The following ITGA3 variants were observed in gnomAD, a reference collection of about 807,000 sequenced individuals.
The protein encoded by ITGA3 is integrin subunit alpha 3.
Under a neutral mutation model 131.1 loss-of-function variants are expected in ITGA3, and 70 were observed. The observed-to-expected ratio is 0.53, with a 90% CI of 0.44 to 0.65. ITGA3 has a LOEUF of 0.65. Ranked by LOEUF, ITGA3 falls within the 30% of genes least tolerant of loss-of-function variation. ITGA3 has a pLI of 0.00. For missense variants in ITGA3, 1,098 were observed against 1,388.6 expected (o/e 0.79, Z 3.33); for synonymous variants, 537 against 571.6 (o/e 0.94, Z 0.86).
chr17:50,071,300 C>T lies in ITGA3; in HGVS notation c.752-11C>T, dbSNP rs765449610. 13 of 1,612,650 alleles carry T rather than the reference C, an allele frequency of 8.1e-6. No individual in the cohort carries two copies. The highest frequency in any genetic ancestry group is 1.6e-4 in the Middle Eastern group (1 of 6,082). On this transcript the variant is annotated splice_polypyrimidine_tract_variant and intron_variant, in intron 5 of 25. Transcript: ENST00000320031. The stretch of plus-strand genomic sequence containing the variant: ...CTGGGACCTTGGTTGAACATCTTCC[C>T]TCTATCCCAGGGTACACGATGCAGG...
At chr17:50,083,723 C>CAA (rs34118743) in intron 23 of ITGA3, among the ~76,000 whole-genome samples, 2,502 of 124,740 alleles carry the variant, frequency 0.02, 44 homozygotes, top group African/African-American at 0.042. Flanking sequence ...CATCTTGCCT[C>CAA]AAAAAAAAAA....
chr17:50,079,604 C>G (rs1288584664), intron 21 of ITGA3, 47 bp downstream of exon 21: 3 of 1,470,828 alleles, frequency 2.0e-6, no homozygotes, highest in African/African-American at 2.8e-5. Flanking sequence ...CACCCCATCA[C>G]AGGGTGCCTG....
chr17:50,059,166 G>T (rs1486538051), intron 1 of ITGA3, among the ~76,000 whole-genome samples: 1 of 152,190 alleles, frequency 6.6e-6, no homozygotes, highest in Admixed American at 6.5e-5. Flanking sequence ...GTGGAAATGA[G>T]GGGTAAGGAG....
chr17:50,079,502 GC>G lies in ITGA3; in HGVS notation c.2657del (p.Pro886HisfsTer17). 3 of 1,577,818 alleles carry G rather than the reference GC, an allele frequency of 1.9e-6. No individual in the cohort carries two copies. Among genetic ancestry groups the G allele is most frequent in the Non-Finnish European group, 1.7e-6 (2 of 1,163,144 alleles). ...RRQLDPGGGQ[G>X]PPPVTLAAAK... ...CAGCTGGATCCAGGGGGAGGCCAGG[GC>G]CCCCCACCTGTCACTCTGGCTGCTG... On this transcript the variant is annotated frameshift_variant, in exon 21 of 26. Coordinates refer to ENST00000320031, the MANE Select transcript of ITGA3 (RefSeq NM_002204.4). LOFTEE classifies it high-confidence loss of function.
chr17:50,072,604 A>G (rs1908682823), intron 7 of ITGA3, among the ~76,000 whole-genome samples: 1 of 152,004 alleles, frequency 6.6e-6, no homozygotes, highest in African/African-American at 2.4e-5. Context: ...TTAGGGATTT[A>G]TATTTGGGTA....
At position 50,079,157 on chromosome 17, in the gene ITGA3, A is replaced by C. The variant is rs751722992; in HGVS notation, c.2482A>C (p.Lys828Gln). ...GTGGCCCTACGAAGTCAGCAATGGC[A>C]AGTGGCTGCTGTATCCCACGGAGAT... Reference protein sequence around the residue: ...LEWPYEVSNGKWLLYPTEITV... With the variant: ...LEWPYEVSNGQWLLYPTEITV... Residue 828 changes from lysine to glutamine, a missense_variant, in exon 20 of 26, where the codon AAG (lysine) becomes CAG (glutamine). By Grantham distance (53) the Lys-to-Gln change is moderately conservative. Around this residue, in one of 3 missense-constraint regions of ITGA3, gnomAD observed 699 missense variants for 829.2 expected, o/e 0.84. Transcript: ENST00000320031. 5 of 1,613,844 alleles carry C rather than the reference A, an allele frequency of 3.1e-6. No homozygotes were observed. Among genetic ancestry groups the C allele is most frequent in the Non-Finnish European group, 8.5e-7 (1 of 1,179,946 alleles).
At chr17:50,080,160 AG>A in intron 21 of ITGA3, 101 bp from the exon 22 acceptor site, 1 of 668,810 alleles carries the variant, frequency 1.5e-6, no homozygotes, top group Non-Finnish European at 2.6e-6. Flanking sequence ...TGGGTCACCC[AG>A]GGGTGAGACA....
rs1909064931 is a variant in ITGA3 at position 50,079,172 on chromosome 17, C to G, written c.2497C>G (p.Pro833Ala). Reference sequence around the variant, plus strand: ...CAGCAATGGCAAGTGGCTGCTGTATCCCACGGAGATCACCGTCCATGGCAA... The same window carrying G: ...CAGCAATGGCAAGTGGCTGCTGTATGCCACGGAGATCACCGTCCATGGCAA... ...EVSNGKWLLYPTEITVHGNGS... is the reference protein window; with the variant it reads ...EVSNGKWLLYATEITVHGNGS... Residue 833 changes from proline to alanine, a missense_variant, in exon 20 of 26, where the codon CCC (proline) becomes GCC (alanine). This residue lies in a region of ITGA3 where 699 missense variants were observed against 829.2 expected (regional missense o/e 0.84). Transcript: ENST00000320031. 5 of 1,613,994 alleles carry G rather than the reference C, an allele frequency of 3.1e-6. No individual in the cohort carries two copies. The highest frequency in any genetic ancestry group is 2.2e-5 in the East Asian group (1 of 44,868).
Position 50,079,467 on chromosome 17 carries a change from C to T in ITGA3, c.2616C>T (p.Arg872=), listed in dbSNP as rs202234241. The change falls in exon 21 of 26, where the codon CGC becomes CGT. Residue 872 remains arginine, a synonymous_variant. Transcript: ENST00000320031. ...GGGACAGGCCATCATCCCCACAGCG[C>T]AGGCGGCGACAGCTGGATCCAGGGG... ...DPGDRPSSPQ[R]RRRQLDPGGG... is the part of the protein sequence containing the mutation. 2 of 1,576,868 alleles carry T rather than the reference C, an allele frequency of 1.3e-6. No individual in the cohort carries two copies. Among genetic ancestry groups the T allele is most frequent in the Non-Finnish European group, 1.7e-6 (2 of 1,162,892 alleles).
chr17:50,056,696 G>C lies in ITGA3; in HGVS notation c.206+51G>C, dbSNP rs1215187363. ...TGGGAGCGAGAGAGTGTGCGAGCGC[G>C]GGATGCGGGTCCGGAGCTGAGTCGG... On this transcript the variant is annotated intron_variant, in intron 1 of 25. Coordinates refer to ENST00000320031, the MANE Select transcript of ITGA3 (RefSeq NM_002204.4). This position sits in a 1 kb window ranked among gnomAD's most constrained non-coding sequence, Gnocchi z 5.6. 1.3e-6 allele frequency: 2 copies of C among 1,534,240 alleles called. No homozygotes were observed. Among genetic ancestry groups the C allele is most frequent in the Non-Finnish European group, 1.8e-6 (2 of 1,133,592 alleles).
Position 50,089,165 on chromosome 17 carries a change from T to C in ITGA3, c.*87T>C, listed in dbSNP as rs752227368. The C allele has an allele frequency of 1.9e-6, 3 of 1,613,442 alleles. No individual in the cohort carries two copies. The highest frequency in any genetic ancestry group is 2.5e-6 in the Non-Finnish European group (3 of 1,179,608). ...CAGATCATGCCCAAGTACCACGCAG[T>C]GCGGATCCGGGAGGAGGAGCGCTAC... On this transcript the variant is annotated 3_prime_UTR_variant, in exon 26 of 26. Transcript: ENST00000320031.
intron 20 of ITGA3, 83 bp from the exon 21 acceptor site, chr17:50,079,352 G>A (rs1909075608): frequency 6.4e-6 from 10 of 1,560,872 alleles, no homozygotes; most frequent in East Asian, 2.3e-5. Context: ...TTGGCAAGCT[G>A]TCTCTCCTAC....
chr17:50,076,918 T>G, intron 14 of ITGA3, 56 bp from the exon 15 acceptor site: 1 of 1,564,346 alleles, frequency 6.4e-7, no homozygotes, highest in African/African-American at 1.4e-5. Flanking sequence ...GCCTAGTTGA[T>G]CCGGGAGTGC....
intron 23 of ITGA3, 162 bp from the exon 24 acceptor site, chr17:50,087,582 G>T: frequency 1.4e-6 from 1 of 703,584 alleles, no homozygotes; most frequent in Non-Finnish European, 2.3e-6. Flanking sequence ...AGGACCACTG[G>T]ACCTGCTGTC....
At chr17:50,065,496 A>G (rs748253043) in intron 3 of ITGA3, 10 of 152,244 alleles carry the variant, frequency 6.6e-5, no homozygotes, top group African/African-American at 1.2e-4. Flanking sequence ...TTCTTCAGAC[A>G]TGAATTATCA....
chr17:50,088,399 C>T (rs954925221), intron 25 of ITGA3, 33 bp downstream of exon 25: 1 of 1,207,900 alleles, frequency 8.3e-7, no homozygotes, highest in Non-Finnish European at 1.2e-6. Context: ...TTCCCCGAGC[C>T]CCACAGCTGG....
intron 3 of ITGA3, among the ~76,000 whole-genome samples, chr17:50,067,848 C>T (rs1261838342): frequency 6.6e-6 from 1 of 152,220 alleles, no homozygotes; most frequent in African/African-American, 2.4e-5. Flanking sequence ...CCACACTTTA[C>T]AGCTTTCCAA....
At chr17:50,087,518 C>G (rs1214174495) in intron 23 of ITGA3, 3 of 487,834 alleles carry the variant, frequency 6.1e-6, no homozygotes, top group African/African-American at 1.9e-5. Context: ...CAGGCCACCT[C>G]CCAGATCTGA....
At chr17:50,071,939 T>C in intron 6 of ITGA3, 47 bp from the exon 7 acceptor site, 1 of 1,519,582 alleles carries the variant, frequency 6.6e-7, no homozygotes, top group Non-Finnish European at 9.1e-7. Flanking sequence ...CTATGCTGCA[T>C]ATTGGAGGCT....
Sources: allele counts gnomAD v4.1 joint callset (sites outside exome capture counted in the v4.1 genomes callset), GRCh38; gene constraint gnomAD v4.1.1; regional missense constraint gnomAD v4.1.1; non-coding constraint Gnocchi (gnomAD v3.1); transcripts MANE v1.5; gene names NCBI Gene and HGNC (gene_info 2026-07-23, HGNC 2026-07-21).